The following EIF4G3 variants were observed in gnomAD, a reference collection of about 807,000 sequenced individuals.
EIF4G3 encodes the protein eIF-4-gamma 3.
EIF4G3 carries 34 observed loss-of-function variants against 186.4 expected under a neutral mutation model. That is an observed-to-expected ratio of 0.18 (90% CI 0.14 to 0.24). The LOEUF (loss-of-function observed/expected upper bound fraction) is 0.24, where lower values mean the gene tolerates loss of function less well. Among genes scored for constraint, EIF4G3 ranks in the 10% least tolerant of loss-of-function variants. The pLI, the probability that EIF4G3 is intolerant of heterozygous loss-of-function variation, is 1.00. For missense variants in EIF4G3, 1,536 were observed against 1,948.5 expected (o/e 0.79, Z 3.99); for synonymous variants, 673 against 679.5 (o/e 0.99, Z 0.15).
chr1:21,155,828 T>C (rs934789645), intron 2 of EIF4G3, among the ~76,000 whole-genome samples: 1 of 152,074 alleles, frequency 6.6e-6, no homozygotes, highest in African/African-American at 2.4e-5. Context: ...TTTAGACTTG[T>C]AAAGAAACAC....
intron 3 of EIF4G3, among the ~76,000 whole-genome samples, chr1:21,060,229 C>A: frequency 6.6e-6 from 1 of 152,278 alleles, no homozygotes; most frequent in African/African-American, 2.4e-5. Context: ...AAATTACAGG[C>A]GTGCGTCACT....
chr1:20,858,005 T>C (rs991995334), intron 24 of EIF4G3, among the ~76,000 whole-genome samples: 2 of 152,176 alleles, frequency 1.3e-5, no homozygotes, highest in African/African-American at 4.8e-5. Context: ...CCTTGCCAGT[T>C]AAACCTATAC....
chr1:21,121,452 T>C (rs1024362961), intron 2 of EIF4G3, among the ~76,000 whole-genome samples: 8 of 152,142 alleles, frequency 5.3e-5, no homozygotes, highest in African/African-American at 1.9e-4. Context: ...GAACTGAGTA[T>C]TGAACCTAAT....
intron 3 of EIF4G3, among the ~76,000 whole-genome samples, chr1:21,079,733 T>C (rs2095706722): frequency 6.7e-6 from 1 of 150,352 alleles, no homozygotes; most frequent in South Asian, 2.1e-4. Flanking sequence ...TAGCTGGGCA[T>C]GGTGGCTCAT....
intron 12 of EIF4G3, among the ~76,000 whole-genome samples, chr1:20,962,910 T>G (rs1046908691): frequency 5.2e-4 from 29 of 55,720 alleles, no homozygotes; most frequent in Non-Finnish European, 1.2e-3. Flanking sequence ...GTAGTTTTGT[T>G]TTTTTTTTGT....
intron 4 of EIF4G3, among the ~76,000 whole-genome samples, chr1:21,004,548 T>G (rs1028077518): frequency 6.6e-6 from 1 of 152,154 alleles, no homozygotes; most frequent in East Asian, 1.9e-4. Context: ...TCAAGGCAGT[T>G]TGTGAAGATT....
At chr1:20,892,280 C>G (rs952133286) in intron 18 of EIF4G3, among the ~76,000 whole-genome samples, 1 of 152,204 alleles carries the variant, frequency 6.6e-6, no homozygotes, top group African/African-American at 2.4e-5. Context: ...ATTTATTGCT[C>G]TCTATGCCAT....
intron 10 of EIF4G3, among the ~76,000 whole-genome samples, chr1:20,974,936 A>T (rs929925597): frequency 6.6e-6 from 1 of 152,172 alleles, no homozygotes; most frequent in Admixed American, 6.5e-5. Flanking sequence ...CTTGGTACTA[A>T]GCAAACAGTC....
chr1:21,057,572 T>A (rs1196867661), intron 3 of EIF4G3, among the ~76,000 whole-genome samples: 2 of 152,132 alleles, frequency 1.3e-5, no homozygotes, highest in Non-Finnish European at 2.9e-5. Context: ...AGAAAGGGCA[T>A]GTGATTTTTT....
chr1:20,807,281 A>C lies in EIF4G3; in HGVS notation c.*38T>G. The C allele has an allele frequency of 6.5e-7, 1 of 1,540,510 alleles. No homozygotes were observed. Among genetic ancestry groups the C allele is most frequent in the Non-Finnish European group, 8.8e-7 (1 of 1,136,068 alleles). ...CGTGAAACTTTTTAAAAAAATACTT[A>C]AATTGTTTCTTTTGTTTCATTTTGT... is the stretch of plus-strand genomic sequence containing the variant. On this transcript the variant is annotated 3_prime_UTR_variant, in exon 37 of 37. Transcript: ENST00000602326.
chr1:20,875,961 T>C lies in EIF4G3; in HGVS notation c.2622+3362A>G, dbSNP rs537106684. 1.1e-4 allele frequency among the ~76,000 whole-genome samples: 17 copies of C among 151,708 alleles called. No homozygotes were observed. In the South Asian group the frequency reaches 3.5e-3, roughly 32 times the overall value. ...AAGAGGCCAGGCATGGTGGCTCACG[T>C]CTATGGTGCCAACACTTTGGAAGGC... On this transcript the variant is annotated intron_variant, in intron 20 of 36. Transcript: ENST00000602326.
intron 2 of EIF4G3, among the ~76,000 whole-genome samples, chr1:21,108,563 T>A (rs4654902): frequency 1.3e-5 from 2 of 151,896 alleles, no homozygotes; most frequent in Admixed American, 1.3e-4. Context: ...ATATAAGGAC[T>A]AATATAAATG....
At chr1:21,096,858 A>T (rs1347691103) in intron 2 of EIF4G3, among the ~76,000 whole-genome samples, 1 of 152,234 alleles carries the variant, frequency 6.6e-6, no homozygotes, top group African/African-American at 2.4e-5. Flanking sequence ...GAAATGCTAG[A>T]GCATTGTTAA....
intron 3 of EIF4G3, among the ~76,000 whole-genome samples, chr1:21,080,711 T>C (rs568664445): frequency 9.2e-5 from 14 of 152,216 alleles, no homozygotes; most frequent in Admixed American, 3.3e-4. Context: ...GGTTTCACCA[T>C]GTTGGTCAGG....
intron 4 of EIF4G3, among the ~76,000 whole-genome samples, chr1:21,037,728 T>A (rs190076968): frequency 6.6e-6 from 1 of 152,320 alleles, no homozygotes; most frequent in African/African-American, 2.4e-5. Context: ...ACTTTGCTTG[T>A]ATAAGATCTG....
chr1:21,153,844 C>T (rs372053757), intron 2 of EIF4G3, among the ~76,000 whole-genome samples: 15 of 152,136 alleles, frequency 9.9e-5, no homozygotes, highest in African/African-American at 2.9e-4. Context: ...GGATTATAGG[C>T]GTGAGCCACC....
At chr1:20,994,109 AG>A (rs1206495527) in intron 7 of EIF4G3, among the ~76,000 whole-genome samples, 1 of 152,214 alleles carries the variant, frequency 6.6e-6, no homozygotes, top group African/African-American at 2.4e-5. Context: ...AATTGTCACT[AG>A]GGAAATTCTA....
At chr1:21,072,062 A>T (rs2095458704) in intron 3 of EIF4G3, among the ~76,000 whole-genome samples, 1 of 152,334 alleles carries the variant, frequency 6.6e-6, no homozygotes, top group African/African-American at 2.4e-5. Flanking sequence ...AAAAGAGAAA[A>T]TATATTTAAC....
At chr1:20,874,434 CT>C (rs1445209888) in intron 20 of EIF4G3, among the ~76,000 whole-genome samples, 2 of 152,110 alleles carry the variant, frequency 1.3e-5, no homozygotes, top group African/African-American at 2.4e-5. Context: ...TGATGTTGAA[CT>C]TTTTTTCATA....
Sources: allele counts gnomAD v4.1 joint callset (sites outside exome capture counted in the v4.1 genomes callset), GRCh38; gene constraint gnomAD v4.1.1; transcripts MANE v1.5; gene names NCBI Gene and HGNC (gene_info 2026-07-23, HGNC 2026-07-21).